The following CNTN5 variants were observed in gnomAD, a reference collection of about 807,000 sequenced individuals.
CNTN5 encodes contactin-5.
In CNTN5, 77 loss-of-function variants were observed where a neutral mutation model predicts 129.1. That is an observed-to-expected ratio of 0.60 (90% CI 0.50 to 0.72). The LOEUF is 0.72. Among genes scored for constraint, CNTN5 ranks in the 30% least tolerant of loss-of-function variants. The pLI, the probability that CNTN5 is intolerant of heterozygous loss-of-function variation, is 0.00. For synonymous variants in CNTN5, 509 were observed against 465.6 expected (o/e 1.09, Z -1.20); for missense variants, 1,478 against 1,328.8 (o/e 1.11, Z -1.75).
At chr11:100,216,802 G>A (rs1169033852) in intron 15 of CNTN5, among the ~76,000 whole-genome samples, 4 of 152,042 alleles carry the variant, frequency 2.6e-5, no homozygotes, top group Admixed American at 2.0e-4. Context: ...ACTCAATGAA[G>A]CCATTTTATA....
intron 1 of CNTN5, among the ~76,000 whole-genome samples, chr11:99,203,082 ATGTCTGTTTAATCT>A (rs1288596375): frequency 6.6e-6 from 1 of 152,002 alleles, no homozygotes; most frequent in Non-Finnish European, 1.5e-5. Flanking sequence ...AAGGATCCTA[ATGTCTGTTTAATCT>A]TGTGCCAGAA....
At chr11:99,173,947 C>T (rs952593228) in intron 1 of CNTN5, among the ~76,000 whole-genome samples, 1 of 152,004 alleles carries the variant, frequency 6.6e-6, no homozygotes, top group African/African-American at 2.4e-5. Flanking sequence ...ATCTATAGAA[C>T]TCAGTATTTT....
chr11:99,548,015 A>G (rs2135514480), intron 2 of CNTN5, among the ~76,000 whole-genome samples: 1 of 152,352 alleles, frequency 6.6e-6, no homozygotes, highest in Non-Finnish European at 1.5e-5. Context: ...GAATTCCTCT[A>G]GAAAAGCACT....
At chr11:99,478,108 T>G (rs1945450820) in intron 2 of CNTN5, among the ~76,000 whole-genome samples, 1 of 152,134 alleles carries the variant, frequency 6.6e-6, no homozygotes. Flanking sequence ...ACAAACTTAG[T>G]GGCTTAAAAC....
chr11:99,649,295 GATTT>G (rs751218278), intron 3 of CNTN5, among the ~76,000 whole-genome samples: 5 of 151,546 alleles, frequency 3.3e-5, no homozygotes, highest in Non-Finnish European at 5.9e-5. Flanking sequence ...AAATACTCTG[GATTT>G]ATTTATTCAA....
At chr11:100,035,133 C>T (rs1191777352) in intron 9 of CNTN5, among the ~76,000 whole-genome samples, 2 of 152,116 alleles carry the variant, frequency 1.3e-5, no homozygotes, top group Admixed American at 1.3e-4. Flanking sequence ...CCTCCCACCC[C>T]ACAACAGTCC....
At chr11:99,569,805 C>T (rs1159317756) in intron 3 of CNTN5, among the ~76,000 whole-genome samples, 2 of 152,114 alleles carry the variant, frequency 1.3e-5, no homozygotes, top group African/African-American at 4.8e-5. Context: ...GGTGAAGAAA[C>T]ATCCGAATAG....
intron 6 of CNTN5, among the ~76,000 whole-genome samples, chr11:99,884,258 G>GA (rs1375397502): frequency 2.6e-5 from 4 of 151,936 alleles, no homozygotes; most frequent in East Asian, 1.9e-4. Flanking sequence ...AGATCAAAGA[G>GA]AAAAAATATT....
chr11:99,325,323 T>C (rs1033570232), intron 1 of CNTN5, 23 bp from the exon 2 acceptor site: 3 of 152,088 alleles, frequency 2.0e-5, no homozygotes, highest in African/African-American at 4.8e-5. Context: ...TTTATCACAA[T>C]AGTATATATT....
intron 3 of CNTN5, among the ~76,000 whole-genome samples, chr11:99,634,760 C>T (rs1344463697): frequency 6.6e-6 from 1 of 152,170 alleles, no homozygotes; most frequent in Admixed American, 6.5e-5. Flanking sequence ...CCACTTTGTA[C>T]TTTCCACAGT....
chr11:100,188,339 G>T (rs1240693368), intron 13 of CNTN5, among the ~76,000 whole-genome samples: 1 of 152,128 alleles, frequency 6.6e-6, no homozygotes, highest in Non-Finnish European at 1.5e-5. Flanking sequence ...GAGACCTGAG[G>T]CAGGAGGATC....
intron 7 of CNTN5, among the ~76,000 whole-genome samples, chr11:99,936,174 T>G (rs1056301680): frequency 1.3e-5 from 2 of 152,124 alleles, no homozygotes; most frequent in African/African-American, 4.8e-5. Flanking sequence ...GCTGAAAACA[T>G]TTGCAGGGGT....
intron 6 of CNTN5, among the ~76,000 whole-genome samples, chr11:99,866,574 C>T (rs1259152984): frequency 2.6e-5 from 4 of 152,118 alleles, no homozygotes; most frequent in African/African-American, 7.2e-5. Context: ...GTTTTTGGGA[C>T]ACTTGGTACT....
At chr11:100,319,571 G>C (rs1951643560) in intron 21 of CNTN5, among the ~76,000 whole-genome samples, 1 of 152,194 alleles carries the variant, frequency 6.6e-6, no homozygotes, top group South Asian at 2.1e-4. Context: ...ATTGCACATA[G>C]TTATCATTTT....
At chr11:100,146,684 A>C (rs1421566) in intron 13 of CNTN5, among the ~76,000 whole-genome samples, 2 of 152,044 alleles carry the variant, frequency 1.3e-5, no homozygotes, top group Non-Finnish European at 2.9e-5. Flanking sequence ...TTGAAAATAT[A>C]ATATAGTTAG....
At chr11:99,768,500 C>G (rs569224242) in intron 3 of CNTN5, among the ~76,000 whole-genome samples, 2 of 152,182 alleles carry the variant, frequency 1.3e-5, no homozygotes, top group South Asian at 4.1e-4. Context: ...TATGCATTGC[C>G]ATTGATACTT....
intron 21 of CNTN5, among the ~76,000 whole-genome samples, chr11:100,317,478 C>G (rs1951593531): frequency 6.6e-6 from 1 of 152,098 alleles, no homozygotes; most frequent in African/African-American, 2.4e-5. Flanking sequence ...ATATAAGAAA[C>G]TAAACAATAA....
At chr11:99,956,501 G>T (rs1445706392) in intron 7 of CNTN5, among the ~76,000 whole-genome samples, 1 of 151,934 alleles carries the variant, frequency 6.6e-6, no homozygotes, top group Non-Finnish European at 1.5e-5. Context: ...ATGGAAAATT[G>T]TCTCTTACCT....
At chr11:99,878,235 C>G (rs542623891) in intron 6 of CNTN5, among the ~76,000 whole-genome samples, 1 of 152,284 alleles carries the variant, frequency 6.6e-6, no homozygotes, top group South Asian at 2.1e-4. Context: ...GCCCTGGAAT[C>G]AGAGTCAAAT....
Sources: allele counts gnomAD v4.1 joint callset (sites outside exome capture counted in the v4.1 genomes callset), GRCh38; gene constraint gnomAD v4.1.1; transcripts MANE v1.5; gene names NCBI Gene and HGNC (gene_info 2026-07-23, HGNC 2026-07-21).